The following PIGN variants were observed in gnomAD, a reference collection of about 807,000 sequenced individuals.
PIGN encodes the protein phosphatidylinositol glycan anchor biosynthesis class N.
A neutral mutation model predicts 125.4 loss-of-function variants in PIGN; 117 were observed. The observed-to-expected ratio is 0.93, with a 90% CI of 0.80 to 1.09. The LOEUF (loss-of-function observed/expected upper bound fraction) is 1.09, where lower values mean the gene tolerates loss of function less well. PIGN is among the 50% of genes least tolerant of loss of function. PIGN has a pLI of 0.00. For missense variants in PIGN, 1,075 were observed against 1,094.9 expected (o/e 0.98, Z 0.26); for synonymous variants, 392 against 377.8 (o/e 1.04, Z -0.44).
chr18:62,052,429 T>C (rs1160282810), intron 30 of PIGN: 1 of 151,010 alleles, frequency 6.6e-6, no homozygotes, highest in Non-Finnish European at 1.5e-5. Context: ...GCTCTTCTTG[T>C]TGAATTGATC....
intron 25 of PIGN, among the ~76,000 whole-genome samples, chr18:62,085,766 A>G (rs1219672974): frequency 6.6e-6 from 1 of 152,248 alleles, no homozygotes; most frequent in African/African-American, 2.4e-5. Context: ...AATGCTGAAC[A>G]TCTTTTTGAC....
chr18:62,116,642 T>C lies in PIGN; in HGVS notation c.1173-2003A>G, dbSNP rs1599558403. ...AGTGGTCTAATGATCAGTTTATTTC[T>C]CTTCAATTAAATTTTAGCCTCCATG... On this transcript the variant is annotated intron_variant, in intron 14 of 30. Coordinates refer to ENST00000640252, the MANE Select transcript of PIGN (RefSeq NM_176787.5). Among the ~76,000 whole-genome samples the C allele has an allele frequency of 4.6e-5, 7 of 152,340 alleles. 1 individual carries two copies. The highest frequency in any genetic ancestry group is 4.6e-4 in the Admixed American group (7 of 15,298).
intron 30 of PIGN, among the ~76,000 whole-genome samples, chr18:62,067,219 A>G (rs1187775603): frequency 6.6e-6 from 1 of 152,154 alleles, no homozygotes; most frequent in East Asian, 1.9e-4. Flanking sequence ...TTGTTTATGC[A>G]TGCACCCATT....
intron 1 of PIGN, chr18:62,174,252 T>C (rs2037442870): frequency 6.6e-6 from 1 of 152,146 alleles, no homozygotes; most frequent in South Asian, 2.1e-4. Context: ...ATCTTCTCAT[T>C]GTCTGCCTTA....
chr18:62,140,815 G>A (rs1282684129), intron 11 of PIGN, among the ~76,000 whole-genome samples: 3 of 152,104 alleles, frequency 2.0e-5, no homozygotes, highest in Non-Finnish European at 4.4e-5. Flanking sequence ...GACATAAAAT[G>A]AATATCAAGA....
chr18:62,114,645 T>C lies in PIGN; in HGVS notation c.1173-6A>G, dbSNP rs911729997. 1.4e-5 allele frequency: 19 copies of C among 1,399,982 alleles called. No individual in the cohort carries two copies. Among genetic ancestry groups the C allele is most frequent in the African/African-American group, 4.3e-5 (3 of 69,340 alleles). The allele number at this position is 1,399,982 out of a possible 1,614,324, so 86.7% of individuals were successfully genotyped here. A position where few individuals can be genotyped will look rare whatever the true frequency, so the allele number is the denominator to read the frequency against. Reference sequence around the variant, plus strand: ...GTTTGGAATCAGAAAGCAGTCTATATATAAAAAAAAGAATAGGTTTAAAGG... The same window carrying C: ...GTTTGGAATCAGAAAGCAGTCTATACATAAAAAAAAGAATAGGTTTAAAGG... On this transcript the variant is annotated splice_region_variant and splice_polypyrimidine_tract_variant and intron_variant, in intron 14 of 30. Transcript: ENST00000640252.
intron 1 of PIGN, among the ~76,000 whole-genome samples, chr18:62,185,182 A>T (rs192868158): frequency 2.0e-5 from 3 of 152,318 alleles, no homozygotes; most frequent in Non-Finnish European, 4.4e-5. Context: ...CCATTCCTGG[A>T]TTCCAGAAAT....
At chr18:62,173,648 C>T (rs2037415355) in intron 1 of PIGN, among the ~76,000 whole-genome samples, 1 of 152,142 alleles carries the variant, frequency 6.6e-6, no homozygotes, top group Non-Finnish European at 1.5e-5. Flanking sequence ...GCAGATAATA[C>T]TGATGAACTA....
chr18:62,171,736 G>A (rs2037351103), intron 1 of PIGN, among the ~76,000 whole-genome samples: 1 of 152,120 alleles, frequency 6.6e-6, no homozygotes, highest in Non-Finnish European at 1.5e-5. Context: ...TTAATGTGGT[G>A]AATTAATATT....
chr18:62,185,378 A>C (rs1168316450), intron 1 of PIGN, among the ~76,000 whole-genome samples: 1 of 152,200 alleles, frequency 6.6e-6, no homozygotes, highest in Non-Finnish European at 1.5e-5. Flanking sequence ...TTGGGAACTA[A>C]TGTCCTATAA....
intron 21 of PIGN, 60 bp from the exon 22 acceptor site, chr18:62,101,243 A>G: frequency 1.1e-6 from 1 of 888,794 alleles, no homozygotes; most frequent in Non-Finnish European, 1.8e-6. Context: ...TCTAACTAGC[A>G]AGAATGTAAG....
At chr18:62,172,811 T>C (rs558051169) in intron 1 of PIGN, among the ~76,000 whole-genome samples, 2 of 152,280 alleles carry the variant, frequency 1.3e-5, no homozygotes, top group African/African-American at 4.8e-5. Context: ...AAAGTTATAA[T>C]AGCCAACACA....
chr18:62,054,114 C>T (rs2031535579), intron 30 of PIGN, among the ~76,000 whole-genome samples: 2 of 152,180 alleles, frequency 1.3e-5, no homozygotes, highest in South Asian at 4.1e-4. Context: ...GACGGGGAAG[C>T]AGACCCATGC....
At chr18:62,094,423 C>T (rs677295) in intron 23 of PIGN, among the ~76,000 whole-genome samples, 35,197 of 151,982 alleles carry the variant, frequency 0.23, 4,239 homozygotes, top group Non-Finnish European at 0.27. Flanking sequence ...TTAAGTCAAC[C>T]TCTGGGTGTG....
rs2034800850 is a variant in PIGN at position 62,109,781 on chromosome 18, A to T, written c.1574+53T>A. On this transcript the variant is annotated intron_variant, in intron 17 of 30. Coordinates refer to ENST00000640252, the MANE Select transcript of PIGN (RefSeq NM_176787.5). ...CAGAAATCTACTGCATTTTAAATAC[A>T]GATTTAACTGTCAATGAAGTGAAAA... The T allele has an allele frequency of 2.0e-6, 3 of 1,489,214 alleles. No individual in the cohort carries two copies. The East Asian group carries it at 6.8e-5, about 34-fold the overall frequency. The allele number at this position is 1,489,214 out of a possible 1,614,324, so 92.3% of individuals were successfully genotyped here.
intron 23 of PIGN, among the ~76,000 whole-genome samples, chr18:62,027,014 C>T (rs2030132001): frequency 5.9e-5 from 9 of 152,064 alleles, no homozygotes; most frequent in Admixed American, 5.2e-4. Context: ...ACCAGCCTGG[C>T]CAACATGGTG....
intron 23 of PIGN, among the ~76,000 whole-genome samples, chr18:62,094,126 G>A (rs1289294752): frequency 6.6e-6 from 1 of 151,992 alleles, no homozygotes; most frequent in Non-Finnish European, 1.5e-5. Flanking sequence ...TTAAATTGAT[G>A]ATTTAAAATA....
intron 30 of PIGN, chr18:62,070,239 T>G (rs1033802126): frequency 2.5e-6 from 1 of 394,768 alleles, no homozygotes; most frequent in Admixed American, 4.4e-5. Context: ...GCGCTCTGGT[T>G]TAAAGCCCAT....
In PIGN at chr18:62,041,640, G is replaced by GGGGGGTGT. The variant is rs1355691128; in HGVS notation, c.*4215_*4216insACACCCCC. The stretch of plus-strand genomic sequence containing the variant: ...ATTACAGGAGCCTACCACCCCGCCG[G>GGGGGGTGT]GTGTGTGTGTGTGTGTGTGTGTGTG... On this transcript the variant is annotated 3_prime_UTR_variant, in exon 31 of 31. Coordinates refer to ENST00000640252, the MANE Select transcript of PIGN (RefSeq NM_176787.5). The GGGGGGTGT allele has an allele frequency of 5.2e-5, 4 of 77,536 alleles. No individual in the cohort carries two copies. Among genetic ancestry groups the GGGGGGTGT allele is most frequent in the Non-Finnish European group, 7.3e-5 (3 of 40,870 alleles). 4.8% of individuals were successfully genotyped at this position (77,536 alleles called of 1,614,324 possible).
Sources: gnomAD v4.1 joint callset for allele counts (sites outside exome capture counted in the v4.1 genomes callset) on GRCh38, gnomAD v4.1.1 for gene constraint, MANE v1.5 for transcripts, NCBI Gene and HGNC (gene_info 2026-07-23, HGNC 2026-07-21) for gene names.